EIF2AK1: variants seen among roughly 807,000 people sequenced by gnomAD.
The protein encoded by EIF2AK1 is eukaryotic translation initiation factor 2 alpha kinase 1.
EIF2AK1 carries 54 observed loss-of-function variants against 77.9 expected under a neutral mutation model. That is an observed-to-expected ratio of 0.69 (90% CI 0.56 to 0.87). The LOEUF (loss-of-function observed/expected upper bound fraction) is 0.87. Ranked by LOEUF, EIF2AK1 falls within the 40% of genes least tolerant of loss-of-function variation. The pLI, the probability that EIF2AK1 is intolerant of heterozygous loss-of-function variation, is 0.00. For synonymous variants in EIF2AK1, 314 were observed against 290.5 expected, an observed-to-expected ratio of 1.08 and a Z score of -0.82; for missense variants, 810 against 768.6, an observed-to-expected ratio of 1.05 and a Z score of -0.64.
At position 6,033,714 on chromosome 7, in the gene EIF2AK1, C is replaced by T. The variant is rs1336214197; in HGVS notation, c.1332+3710G>A. On this transcript the variant is annotated intron_variant, in intron 11 of 14. Transcript: ENST00000199389. This position sits in a 1 kb window ranked among gnomAD's most constrained non-coding sequence, Gnocchi z 4.4. The stretch of plus-strand genomic sequence containing the variant: ...CCTCCCAAGTAGCTGGGACTACAGG[C>T]GCCTGCCACCACGCCTGGCTAATTT... 7.2e-5 allele frequency among the ~76,000 whole-genome samples: 11 copies of T among 152,098 alleles called. No homozygotes were observed. Among genetic ancestry groups the T allele is most frequent in the Admixed American group, 2.0e-4 (3 of 15,292 alleles).
At position 6,036,477 on chromosome 7, in the gene EIF2AK1, T is replaced by C. The variant is rs1788099298; in HGVS notation, c.1332+947A>G. On this transcript the variant is annotated intron_variant, in intron 11 of 14. Coordinates refer to ENST00000199389, the MANE Select transcript of EIF2AK1 (RefSeq NM_014413.4). The surrounding 1 kb of genome is among the most constrained non-coding windows in gnomAD (Gnocchi z 4.6). Reference sequence around the variant, plus strand: ...CATGTCCCAGAAAATGCTTCACCTATCACCTGTGACATCCCAAATGTACAA... The same window carrying C: ...CATGTCCCAGAAAATGCTTCACCTACCACCTGTGACATCCCAAATGTACAA... The C allele has an allele frequency of 2.3e-6, 2 of 861,504 alleles. No homozygotes were observed. The highest frequency in any genetic ancestry group is 3.3e-5 in the Admixed American group (1 of 30,616). The allele number at this position is 861,504 out of a possible 1,614,324, so 53.4% of individuals were successfully genotyped here. A position where few individuals can be genotyped will look rare whatever the true frequency, so the allele number is the denominator to read the frequency against.
In EIF2AK1 at chr7:6,028,605, C is replaced by T. The variant is rs1402131623; in HGVS notation, c.1530+10G>A. The stretch of plus-strand genomic sequence containing the variant: ...AGTTGAATGAAAGGGCAGAAAGCAA[C>T]AAATACTACCTTGGCATCATACTCA... On this transcript the variant is annotated intron_variant, in intron 13 of 14. Coordinates refer to ENST00000199389, the MANE Select transcript of EIF2AK1 (RefSeq NM_014413.4). The T allele has an allele frequency of 6.2e-7, 1 of 1,613,848 alleles. No homozygotes were observed. The highest frequency in any genetic ancestry group is 8.5e-7 in the Non-Finnish European group (1 of 1,179,732).
At chr7:6,057,627 G>C (rs1221696389) in intron 1 of EIF2AK1, 3 of 150,704 alleles carry the variant, frequency 2.0e-5, no homozygotes, top group Admixed American at 6.6e-5. Context: ...AAAAAAACCT[G>C]AATCAATGTT....
chr7:6,026,097 T>C (rs1267972625), intron 14 of EIF2AK1, among the ~76,000 whole-genome samples: 1 of 151,874 alleles, frequency 6.6e-6, no homozygotes, highest in East Asian at 1.9e-4. Flanking sequence ...GACTGTGTAC[T>C]GCGCAGGGAA....
intron 2 of EIF2AK1, among the ~76,000 whole-genome samples, chr7:6,054,232 T>C (rs1381879587): frequency 6.6e-6 from 1 of 151,660 alleles, no homozygotes; most frequent in Non-Finnish European, 1.5e-5. Context: ...TTTGAGACAG[T>C]CTCACTCTTT....
rs564138782 is a variant in EIF2AK1 at position 6,024,439 on chromosome 7, G to A, written c.*234C>T. 9.5e-4 allele frequency: 1,317 copies of A among 1,382,968 alleles called. 3 individuals carry two copies. Among genetic ancestry groups the A allele is most frequent in the Non-Finnish European group, 7.9e-4 (850 of 1,071,488 alleles). 85.7% of individuals were successfully genotyped at this position (1,382,968 alleles called of 1,614,324 possible). ...TTGAAAGGAGAAAATAATTGAGGAT[G>A]AGGTCCAAGTTTTTAGTTTCAGAGA... On this transcript the variant is annotated 3_prime_UTR_variant, in exon 15 of 15. Coordinates refer to ENST00000199389, the MANE Select transcript of EIF2AK1 (RefSeq NM_014413.4).
rs778617752 is a variant in EIF2AK1 at position 6,023,840 on chromosome 7, T to A, written c.*833A>T. 80 of 1,551,876 alleles carry A rather than the reference T, an allele frequency of 5.2e-5. No individual in the cohort carries two copies. In the African/African-American group the frequency reaches 1.0e-3, roughly 20 times the overall value. On this transcript the variant is annotated 3_prime_UTR_variant, in exon 15 of 15. Transcript: ENST00000199389. ...TAAAAGCATCATGTAATTTATGGTT[T>A]TCATTTTATTTAAAATTCAGCAAAA...
In EIF2AK1 at chr7:6,035,956, A is replaced by G; in HGVS notation, c.1332+1468T>C. 2.6e-6 allele frequency: 4 copies of G among 1,549,712 alleles called. No individual in the cohort carries two copies. The highest frequency in any genetic ancestry group is 1.4e-5 in the African/African-American group (1 of 73,160). ...GGAGCCAAAGTCAACGCCCAGGACT[A>G]CAAGGGCCAAACAGCCATCCATGAG... On this transcript the variant is annotated intron_variant, in intron 11 of 14. Transcript: ENST00000199389. This position sits in a 1 kb window ranked among gnomAD's most constrained non-coding sequence, Gnocchi z 5.5.
rs1199218533 is a variant in EIF2AK1, at chr7:6,033,581, TTTTC to T, written c.1332+3839_1332+3842del. Among the ~76,000 whole-genome samples the T allele has an allele frequency of 1.3e-5, 2 of 151,852 alleles. No individual in the cohort carries two copies. Among genetic ancestry groups the T allele is most frequent in the Non-Finnish European group, 2.9e-5 (2 of 67,976 alleles). ...AAATAAAATATAGGTAGACAATGGA[TTTTC>T]TTTATTTTTGGTTTTTGTTTTTTGA... is the stretch of plus-strand genomic sequence containing the variant. On this transcript the variant is annotated intron_variant, in intron 11 of 14. Transcript: ENST00000199389. This position sits in a 1 kb window ranked among gnomAD's most constrained non-coding sequence, Gnocchi z 4.4.
intron 9 of EIF2AK1, among the ~76,000 whole-genome samples, chr7:6,039,728 A>G (rs2128888853): frequency 6.6e-6 from 1 of 151,520 alleles, no homozygotes; most frequent in East Asian, 2.0e-4. Flanking sequence ...TGAGGTCAGG[A>G]CTTTGATACC....
At position 6,027,002 on chromosome 7, in the gene EIF2AK1, AAGTT is replaced by A. The variant is rs751717423; in HGVS notation, c.1531-45_1531-42del. 4.6e-6 allele frequency: 7 copies of A among 1,516,510 alleles called. No individual in the cohort carries two copies. The Admixed American group carries it at 6.8e-5, about 15-fold the overall frequency. The allele number at this position is 1,516,510 out of a possible 1,614,324, so 93.9% of individuals were successfully genotyped here. On this transcript the variant is annotated intron_variant, in intron 13 of 14. Coordinates refer to ENST00000199389, the MANE Select transcript of EIF2AK1 (RefSeq NM_014413.4). The surrounding 1 kb of genome is among the most constrained non-coding windows in gnomAD (Gnocchi z 4.5). ...AAGGGGAACTCAGTAGTGAAATACA[AAGTT>A]AGAAGAACGTTTCCATTTCCGTGTT...
At chr7:6,056,686 A>G (rs543602370) in intron 1 of EIF2AK1, among the ~76,000 whole-genome samples, 32 of 145,978 alleles carry the variant, frequency 2.2e-4, no homozygotes, top group African/African-American at 8.1e-4. Flanking sequence ...GCCATATGTC[A>G]GCACAACAGT....
chr7:6,046,872 G>A (rs992986651), intron 5 of EIF2AK1, 120 bp downstream of exon 5: 1 of 942,516 alleles, frequency 1.1e-6, no homozygotes, highest in African/African-American at 1.7e-5. Flanking sequence ...GCGCACTCCA[G>A]CCTGGCGACA....
chr7:6,027,052 G>T lies in EIF2AK1; in HGVS notation c.1531-91C>A. The T allele has an allele frequency of 9.4e-7, 1 of 1,067,760 alleles. No individual in the cohort carries two copies. The highest frequency in any genetic ancestry group is 2.4e-5 in the East Asian group (1 of 41,862). 66.1% of individuals were successfully genotyped at this position (1,067,760 alleles called of 1,614,324 possible). A position where few individuals can be genotyped will look rare whatever the true frequency, so the allele number is the denominator to read the frequency against. The stretch of plus-strand genomic sequence containing the variant: ...GTGTTCCACCCTCCAAACAGGAGAG[G>T]GTTTCTAAGAATGAGGATATACGGT... On this transcript the variant is annotated intron_variant, in intron 13 of 14. Transcript: ENST00000199389. The surrounding 1 kb of genome is among the most constrained non-coding windows in gnomAD (Gnocchi z 4.5).
intron 3 of EIF2AK1, among the ~76,000 whole-genome samples, chr7:6,049,627 CTTT>C (rs566250638): frequency 3.8e-5 from 5 of 132,616 alleles, no homozygotes; most frequent in East Asian, 2.3e-4. Flanking sequence ...CCTCTCCTCT[CTTT>C]TTTTTTTTTT....
At chr7:6,046,864 G>A (rs750942958) in intron 5 of EIF2AK1, 128 bp downstream of exon 5, 10 of 809,756 alleles carry the variant, frequency 1.2e-5, no homozygotes, top group South Asian at 6.1e-5. Context: ...ATTGCGCCGC[G>A]CACTCCAGCC....
At chr7:6,024,851 T>C (rs767587171) in intron 14 of EIF2AK1, 50 bp from the exon 15 acceptor site, 5 of 1,399,918 alleles carry the variant, frequency 3.6e-6, no homozygotes, top group Non-Finnish European at 4.7e-6. Context: ...TTTTTTTTTT[T>C]TTTTTGAGAC....
chr7:6,026,655 A>G, intron 14 of EIF2AK1, 73 bp downstream of exon 14: 2 of 1,272,960 alleles, frequency 1.6e-6, no homozygotes, highest in South Asian at 2.4e-5. Flanking sequence ...GGCACCACCC[A>G]ACCGCTTCCT....
intron 1 of EIF2AK1, among the ~76,000 whole-genome samples, chr7:6,056,636 A>ATATATATATATATATATATATAT (rs1554324739): frequency 4.2e-5 from 5 of 118,892 alleles, no homozygotes; most frequent in Admixed American, 8.4e-5. Flanking sequence ...ATATATATAT[A>ATATATATATATATATATATATAT]AACTCTGTCT....
Sources: allele counts gnomAD v4.1 joint callset (sites outside exome capture counted in the v4.1 genomes callset), GRCh38; gene constraint gnomAD v4.1.1; non-coding constraint Gnocchi (gnomAD v3.1); transcripts MANE v1.5; gene names NCBI Gene and HGNC (gene_info 2026-07-23, HGNC 2026-07-21).